AHI1: variants seen among roughly 807,000 people sequenced by gnomAD.
AHI1 encodes the protein Abelson helper integration site 1.
AHI1 carries 123 observed loss-of-function variants against 149.3 expected under a neutral mutation model. That is an observed-to-expected ratio of 0.82 (90% CI 0.71 to 0.96). The LOEUF (loss-of-function observed/expected upper bound fraction) is 0.96. Among genes scored for constraint, AHI1 ranks in the 40% least tolerant of loss-of-function variants. The pLI is 0.00. For synonymous variants in AHI1, 475 were observed against 459.8 expected (o/e 1.03, Z -0.42); for missense variants, 1,439 against 1,422.7 (o/e 1.01, Z -0.18).
At chr6:135,405,244 C>T (rs867934248) in intron 21 of AHI1, among the ~76,000 whole-genome samples, 12 of 152,214 alleles carry the variant, frequency 7.9e-5, no homozygotes, top group South Asian at 6.2e-4. Flanking sequence ...ACTTGCTCTT[C>T]AATCAATAGA....
intron 23 of AHI1, among the ~76,000 whole-genome samples, chr6:135,382,909 AAAAAAAAAAAAAAAAAAATAT>A (rs1428121470): frequency 2.0e-5 from 2 of 99,896 alleles, no homozygotes; most frequent in Non-Finnish European, 4.0e-5. Flanking sequence ...AAAAAAAAAA[AAAAAAAAAAAAAAAAAAATAT>A]ATATATATAT....
At position 135,283,999 on chromosome 6, in the gene AHI1, A is replaced by G. The variant is rs886061100; in HGVS notation, c.*1646T>C. 1 of 152,196 alleles carries G rather than the reference A, an allele frequency of 6.6e-6. No homozygotes were observed. Among genetic ancestry groups the G allele is most frequent in the Non-Finnish European group, 1.5e-5 (1 of 68,030 alleles). 9.4% of individuals were successfully genotyped at this position (152,196 alleles called of 1,614,324 possible). A position where few individuals can be genotyped will look rare whatever the true frequency, so the allele number is the denominator to read the frequency against. On this transcript the variant is annotated 3_prime_UTR_variant, in exon 29 of 29. Coordinates refer to ENST00000265602, the MANE Select transcript of AHI1 (RefSeq NM_001134831.2). ...ATTAGCTGAAACTGCAGAGAAACAG[A>G]TATTTTTATTTTTAAATTATCAAGT...
intron 23 of AHI1, among the ~76,000 whole-genome samples, chr6:135,378,163 T>C (rs943642351): frequency 6.6e-6 from 1 of 152,296 alleles, no homozygotes; most frequent in Non-Finnish European, 1.5e-5. Flanking sequence ...CTGACAATTG[T>C]TAGATATGTG....
chr6:135,338,283 A>G (rs1166955754), intron 24 of AHI1, among the ~76,000 whole-genome samples: 2 of 146,906 alleles, frequency 1.4e-5, no homozygotes, highest in African/African-American at 2.5e-5. Context: ...CTGGGTGACA[A>G]GGGTGAAACT....
chr6:135,485,588 T>C (rs533380692), intron 5 of AHI1, among the ~76,000 whole-genome samples: 3 of 152,224 alleles, frequency 2.0e-5, no homozygotes, highest in East Asian at 1.9e-4. Context: ...TCTGTATTTT[T>C]GGAAAATTTA....
At chr6:135,490,307 T>A (rs1260500393) in intron 5 of AHI1, 1 of 695,228 alleles carries the variant, frequency 1.4e-6, no homozygotes, top group African/African-American at 1.8e-5. Flanking sequence ...CTTCCTAAGT[T>A]CTTCACAATT....
intron 23 of AHI1, among the ~76,000 whole-genome samples, chr6:135,373,120 A>T (rs974780680): frequency 6.6e-6 from 1 of 152,250 alleles, no homozygotes; most frequent in Non-Finnish European, 1.5e-5. Context: ...TAATGTTCCT[A>T]AACTTAGTGC....
intron 5 of AHI1, among the ~76,000 whole-genome samples, chr6:135,478,415 G>A (rs906601620): frequency 2.0e-5 from 3 of 152,208 alleles, no homozygotes; most frequent in African/African-American, 7.2e-5. Flanking sequence ...CTTTAGCAGA[G>A]ACTGGCGGCA....
At chr6:135,488,650 T>C (rs1200218367) in intron 5 of AHI1, among the ~76,000 whole-genome samples, 1 of 152,178 alleles carries the variant, frequency 6.6e-6, no homozygotes, top group Non-Finnish European at 1.5e-5. Context: ...ACTCTTATTA[T>C]TGTGCCTTAT....
chr6:135,288,090 C>G, intron 28 of AHI1, among the ~76,000 whole-genome samples: 1 of 151,830 alleles, frequency 6.6e-6, no homozygotes, highest in East Asian at 1.9e-4. Context: ...GCAAGACTCC[C>G]TCTCAAAAAA....
intron 23 of AHI1, among the ~76,000 whole-genome samples, chr6:135,371,362 TATGTC>T (rs954994468): frequency 2.6e-5 from 4 of 152,216 alleles, no homozygotes; most frequent in Non-Finnish European, 4.4e-5. Flanking sequence ...GTGTTTTAGA[TATGTC>T]AGGTGCTCAT....
chr6:135,450,950 A>T (rs148462734), intron 11 of AHI1, among the ~76,000 whole-genome samples: 32 of 152,236 alleles, frequency 2.1e-4, no homozygotes, highest in African/African-American at 7.7e-4. Context: ...CATCCCTCGT[A>T]CCAACAGGAT....
intron 3 of AHI1, among the ~76,000 whole-genome samples, chr6:135,494,833 A>G (rs1795751991): frequency 6.6e-6 from 1 of 152,248 alleles, no homozygotes; most frequent in Non-Finnish European, 1.5e-5. Flanking sequence ...AGATAGAAGC[A>G]TTACAGAAGC....
At position 135,476,056 on chromosome 6, in the gene AHI1, T is replaced by C. The variant is rs184667046; in HGVS notation, c.136-8422A>G. Among the ~76,000 whole-genome samples, 144 of 152,360 alleles carry C rather than the reference T, an allele frequency of 9.5e-4. 1 individual carries two copies. The highest frequency in any genetic ancestry group is 7.6e-3 in the Admixed American group (116 of 15,310). On this transcript the variant is annotated intron_variant, in intron 5 of 28. Transcript: ENST00000265602. Reference sequence around the variant, plus strand: ...TTTTTTAAGGTGAAAGCTTCAATGATGGATCTCAGACCATTCCTCATTTTT... The same window carrying C: ...TTTTTTAAGGTGAAAGCTTCAATGACGGATCTCAGACCATTCCTCATTTTT...
At chr6:135,381,769 A>C (rs934889895) in intron 23 of AHI1, among the ~76,000 whole-genome samples, 4 of 152,182 alleles carry the variant, frequency 2.6e-5, no homozygotes, top group Non-Finnish European at 2.9e-5. Context: ...TACCACCATC[A>C]TATTATAACT....
At chr6:135,285,775 C>T (rs1250635274) in intron 28 of AHI1, 128 bp from the exon 29 acceptor site, 4 of 741,884 alleles carry the variant, frequency 5.4e-6, no homozygotes, top group South Asian at 3.5e-5. Flanking sequence ...CAAACACATA[C>T]AAACACAACT....
chr6:135,453,786 T>G (rs907871453), intron 10 of AHI1, among the ~76,000 whole-genome samples: 1 of 152,158 alleles, frequency 6.6e-6, no homozygotes, highest in Non-Finnish European at 1.5e-5. Context: ...GATTGTTTGT[T>G]TAAAAAACTC....
intron 24 of AHI1, among the ~76,000 whole-genome samples, chr6:135,345,331 A>G (rs1016624087): frequency 3.3e-5 from 5 of 152,304 alleles, no homozygotes; most frequent in African/African-American, 1.2e-4. Flanking sequence ...ATATACACCC[A>G]AGAGAATGGA....
intron 5 of AHI1, among the ~76,000 whole-genome samples, chr6:135,477,037 CT>C (rs969980870): frequency 7.3e-4 from 106 of 145,484 alleles, no homozygotes; most frequent in African/African-American, 2.1e-3. Context: ...TCTTTGTCCT[CT>C]TTTTTTTTTT....
Sources: gnomAD v4.1 joint callset for allele counts (sites outside exome capture counted in the v4.1 genomes callset) on GRCh38, gnomAD v4.1.1 for gene constraint, MANE v1.5 for transcripts, NCBI Gene and HGNC (gene_info 2026-07-23, HGNC 2026-07-21) for gene names.